The following MYO16 variants were observed in gnomAD, a reference collection of about 807,000 sequenced individuals.
MYO16 encodes myosin XVI, also known as unconventional myosin-XVI.
MYO16 carries 94 observed loss-of-function variants against 205.3 expected under a neutral mutation model. That is an observed-to-expected ratio of 0.46 (90% confidence interval 0.39 to 0.54). The LOEUF (loss-of-function observed/expected upper bound fraction) is 0.54. Ranked by LOEUF, MYO16 falls within the 20% of genes least tolerant of loss-of-function variation. MYO16 has a pLI of 0.00. For missense variants in MYO16, 2,315 were observed against 2,387.5 expected (o/e 0.97, Z 0.63); for synonymous variants, 988 against 954.0 (o/e 1.04, Z -0.66).
In MYO16 at chr13:108,864,038, A is replaced by G. The variant is rs376274394; in HGVS notation, c.1360-2139A>G. ...TCTTGATGTCATATTACTGATTGCT[A>G]TTGGTAGTTGGTGCATTTCCTCTTG... On this transcript the variant is annotated intron_variant, in intron 11 of 34. Transcript: ENST00000457511. 7.2e-5 allele frequency among the ~76,000 whole-genome samples: 11 copies of G among 152,164 alleles called. No homozygotes were observed. The South Asian group carries it at 8.3e-4, about 11-fold the overall frequency.
chr13:109,123,408 A>T (rs1004107514), intron 29 of MYO16, among the ~76,000 whole-genome samples: 3 of 151,910 alleles, frequency 2.0e-5, no homozygotes, highest in Admixed American at 2.0e-4. Flanking sequence ...TCTTGAAAAT[A>T]CTCTCTCTTT....
chr13:108,633,121 G>T (rs911757325), intron 1 of MYO16, among the ~76,000 whole-genome samples: 3 of 152,114 alleles, frequency 2.0e-5, no homozygotes, highest in African/African-American at 7.2e-5. Flanking sequence ...CCAGAGCTGA[G>T]AATTCATTTA....
chr13:108,950,702 C>G (rs1463609313), intron 16 of MYO16, among the ~76,000 whole-genome samples: 1 of 152,166 alleles, frequency 6.6e-6, no homozygotes, highest in African/African-American at 2.4e-5. Flanking sequence ...CAGCATCCGA[C>G]CAAGAGAAGT....
intron 11 of MYO16, among the ~76,000 whole-genome samples, chr13:108,863,349 T>C (rs528985555): frequency 3.3e-4 from 50 of 152,118 alleles, no homozygotes; most frequent in Non-Finnish European, 5.4e-4. Flanking sequence ...TACTTTTCAT[T>C]AGATTAAGGA....
intron 31 of MYO16, among the ~76,000 whole-genome samples, chr13:109,139,403 C>G (rs549392742): frequency 3.3e-5 from 5 of 152,306 alleles, no homozygotes; most frequent in African/African-American, 1.2e-4. Context: ...CCTGTTAGGT[C>G]CTAAGAATCC....
At chr13:108,720,050 C>T (rs773719741) in intron 3 of MYO16, among the ~76,000 whole-genome samples, 7 of 152,178 alleles carry the variant, frequency 4.6e-5, no homozygotes, top group Non-Finnish European at 7.3e-5. Flanking sequence ...CTGGAAGCTG[C>T]GGCTCTCTGC....
chr13:109,156,145 A>G (rs1878011582), intron 32 of MYO16, among the ~76,000 whole-genome samples: 1 of 152,190 alleles, frequency 6.6e-6, no homozygotes, highest in African/African-American at 2.4e-5. Flanking sequence ...GCCCTGTGTA[A>G]CACAAACTAG....
At chr13:109,100,750 C>CA (rs1169863701) in intron 27 of MYO16, 35 bp from the exon 28 acceptor site, 7 of 1,517,928 alleles carry the variant, frequency 4.6e-6, no homozygotes, top group Non-Finnish European at 6.4e-6. Flanking sequence ...TTGGCAAATG[C>CA]AGTCATTGCT....
chr13:108,819,570 G>A (rs1465830872), intron 7 of MYO16, among the ~76,000 whole-genome samples: 3 of 151,738 alleles, frequency 2.0e-5, no homozygotes, highest in Non-Finnish European at 4.4e-5. Context: ...AAAATGTTGA[G>A]TACATATTTT....
intron 16 of MYO16, among the ~76,000 whole-genome samples, chr13:108,916,692 G>A (rs4773006): frequency 0.85 from 129,714 of 152,158 alleles, 56,774 homozygotes; most frequent in Non-Finnish European, 0.96. Flanking sequence ...TAGACTACCT[G>A]TGTAAGTTAG....
chr13:108,661,264 G>A (rs1290075237), intron 1 of MYO16, among the ~76,000 whole-genome samples: 11 of 152,186 alleles, frequency 7.2e-5, no homozygotes, highest in Admixed American at 5.9e-4. Context: ...ATGTGCCTAG[G>A]TGATCTTTTT....
chr13:109,160,382 C>T (rs901508659), intron 32 of MYO16, among the ~76,000 whole-genome samples: 1 of 152,220 alleles, frequency 6.6e-6, no homozygotes, highest in Non-Finnish European at 1.5e-5. Flanking sequence ...ATAATCATAT[C>T]TTAATGCAAA....
chr13:108,771,700 C>T (rs915221569), intron 4 of MYO16, among the ~76,000 whole-genome samples: 7 of 152,138 alleles, frequency 4.6e-5, no homozygotes, highest in African/African-American at 1.4e-4. Context: ...TCTGTTGTCT[C>T]CATAGTTTTA....
At chr13:109,187,401 T>C (rs1001996045) in intron 34 of MYO16, among the ~76,000 whole-genome samples, 1 of 152,190 alleles carries the variant, frequency 6.6e-6, no homozygotes, top group African/African-American at 2.4e-5. Flanking sequence ...TTTTCTTTTC[T>C]TTTGCTTGCT....
intron 4 of MYO16, among the ~76,000 whole-genome samples, chr13:108,760,346 C>A (rs1390179239): frequency 4.6e-5 from 7 of 151,848 alleles, no homozygotes; most frequent in African/African-American, 1.7e-4. Context: ...ATTTCTACCA[C>A]TAACCTTATA....
chr13:108,997,961 A>T (rs1885089804), intron 21 of MYO16, among the ~76,000 whole-genome samples: 1 of 152,246 alleles, frequency 6.6e-6, no homozygotes. Context: ...GTTTTCTAAC[A>T]ACTGAAATTT....
chr13:108,884,129 G>A (rs542001023), intron 13 of MYO16, among the ~76,000 whole-genome samples: 4 of 152,226 alleles, frequency 2.6e-5, no homozygotes, highest in African/African-American at 4.8e-5. Flanking sequence ...GGAACTCAAC[G>A]GATAAGTACA....
chr13:108,859,308 T>G (rs1878346339), intron 11 of MYO16, among the ~76,000 whole-genome samples: 1 of 152,134 alleles, frequency 6.6e-6, no homozygotes, highest in Non-Finnish European at 1.5e-5. Flanking sequence ...ATTGAATAAA[T>G]AAGTAGACTT....
intron 2 of MYO16, among the ~76,000 whole-genome samples, chr13:108,686,948 G>A (rs888124438): frequency 1.3e-5 from 2 of 152,152 alleles, no homozygotes; most frequent in Non-Finnish European, 1.5e-5. Context: ...GCTTGACAGG[G>A]TCCTGGAACA....
Sources: allele counts gnomAD v4.1 joint callset (sites outside exome capture counted in the v4.1 genomes callset), GRCh38; gene constraint gnomAD v4.1.1; transcripts MANE v1.5; gene names NCBI Gene and HGNC (gene_info 2026-07-23, HGNC 2026-07-21).